IQGAP2: variants seen among roughly 807,000 people sequenced by gnomAD.
IQGAP2 encodes the protein ras GTPase-activating-like protein IQGAP2.
IQGAP2 carries 173 observed loss-of-function variants against 201.3 expected under a neutral mutation model. The observed-to-expected ratio is 0.86, with a 90% CI of 0.76 to 0.98. IQGAP2 has a LOEUF of 0.98. IQGAP2 is among the 50% of genes least tolerant of loss of function. The probability of loss-of-function intolerance (pLI) is 0.00; values close to 1 mark genes in which losing one functional copy is unlikely to be tolerated. For synonymous variants in IQGAP2, 675 were observed against 673.9 expected (o/e 1.00, Z -0.03); for missense variants, 1,687 against 1,864.8 (o/e 0.90, Z 1.76).
rs76462110 is a variant in IQGAP2, at chr5:76,540,325, A to T, written c.147-22071A>T. ...AGAAAAAGGAAACCACTGGGAGGGT[A>T]TGAGTGAAATGGCTAGCTCTTTTTG... On this transcript the variant is annotated intron_variant, in intron 2 of 35. Coordinates refer to ENST00000274364, the MANE Select transcript of IQGAP2 (RefSeq NM_006633.5). 5.6e-3 allele frequency among the ~76,000 whole-genome samples: 854 copies of T among 152,318 alleles called. 7 individuals carry two copies. The highest frequency in any genetic ancestry group is 0.019 in the African/African-American group (793 of 41,582).
intron 30 of IQGAP2, among the ~76,000 whole-genome samples, chr5:76,684,744 G>C (rs1460269924): frequency 1.3e-5 from 2 of 152,184 alleles, no homozygotes; most frequent in Admixed American, 6.5e-5. Flanking sequence ...CCTGTCCTGA[G>C]TTCTGAGGTT....
intron 13 of IQGAP2, among the ~76,000 whole-genome samples, chr5:76,621,183 C>T (rs1749630032): frequency 6.6e-6 from 1 of 152,174 alleles, no homozygotes; most frequent in African/African-American, 2.4e-5. Context: ...GTTTCTCTTC[C>T]TGCTTTAATC....
chr5:76,470,399 C>T (rs896145691), intron 2 of IQGAP2, among the ~76,000 whole-genome samples: 1 of 152,088 alleles, frequency 6.6e-6, no homozygotes, highest in Non-Finnish European at 1.5e-5. Flanking sequence ...TGGGGCACCA[C>T]CTTAGAAGCT....
intron 20 of IQGAP2, among the ~76,000 whole-genome samples, chr5:76,656,193 T>C (rs187001700): frequency 9.4e-4 from 141 of 149,488 alleles, no homozygotes; most frequent in South Asian, 3.9e-3. Context: ...TGGGGTTTTT[T>C]GTTGGTTTTT....
At chr5:76,460,883 T>TC (rs777015128) in intron 1 of IQGAP2, among the ~76,000 whole-genome samples, 18 of 119,186 alleles carry the variant, frequency 1.5e-4, no homozygotes, top group African/African-American at 3.6e-4. Flanking sequence ...TTTTTTTTTT[T>TC]CCCTGAGACT....
chr5:76,621,544 G>A (rs887596438), intron 13 of IQGAP2, among the ~76,000 whole-genome samples: 2 of 152,160 alleles, frequency 1.3e-5, no homozygotes, highest in African/African-American at 4.8e-5. Flanking sequence ...AGAGCATGCC[G>A]TACAAGTTAT....
intron 1 of IQGAP2, among the ~76,000 whole-genome samples, chr5:76,436,106 A>G (rs536399908): frequency 4.6e-5 from 7 of 152,290 alleles, no homozygotes; most frequent in African/African-American, 1.4e-4. Flanking sequence ...TTTCAAATCT[A>G]GAAGTCTTTT....
At chr5:76,428,437 CTTTTTTTT>C (rs1003388325) in intron 1 of IQGAP2, among the ~76,000 whole-genome samples, 6 of 135,706 alleles carry the variant, frequency 4.4e-5, no homozygotes, top group Non-Finnish European at 9.6e-5. Context: ...ATCCTTTTTT[CTTTTTTTT>C]TTTTTTTTTG....
intron 35 of IQGAP2, among the ~76,000 whole-genome samples, chr5:76,703,122 T>C (rs1403935923): frequency 1.0e-4 from 11 of 110,144 alleles, no homozygotes; most frequent in East Asian, 3.1e-4. Context: ...TTTTCCCTCT[T>C]TCCTAGAATG....
At chr5:76,592,557 T>G (rs915519392) in intron 8 of IQGAP2, among the ~76,000 whole-genome samples, 2 of 147,712 alleles carry the variant, frequency 1.4e-5, no homozygotes, top group African/African-American at 2.5e-5. Flanking sequence ...CAACTGTTTT[T>G]GATCTAAAAA....
intron 2 of IQGAP2, among the ~76,000 whole-genome samples, chr5:76,538,176 G>T (rs569201518): frequency 6.6e-6 from 1 of 152,212 alleles, no homozygotes; most frequent in African/African-American, 2.4e-5. Flanking sequence ...TTGTTCAGGG[G>T]AACTCCTCTT....
At chr5:76,524,773 A>G (rs1188007416) in intron 2 of IQGAP2, among the ~76,000 whole-genome samples, 1 of 152,236 alleles carries the variant, frequency 6.6e-6, no homozygotes, top group Non-Finnish European at 1.5e-5. Flanking sequence ...CTGAAAAGAA[A>G]GTTCACATCA....
In IQGAP2 at chr5:76,640,924, T is replaced by C; in HGVS notation, c.1924-9T>C. The C allele has an allele frequency of 6.4e-7, 1 of 1,566,354 alleles. No individual in the cohort carries two copies. The highest frequency in any genetic ancestry group is 8.7e-7 in the Non-Finnish European group (1 of 1,144,936). ...GTGAAGTGTAACCATAAGAAATATC[T>C]CTTGCCAGGACATTATTGAGGAAGT... is the stretch of plus-strand genomic sequence containing the variant. On this transcript the variant is annotated splice_polypyrimidine_tract_variant and intron_variant, in intron 16 of 35. Transcript: ENST00000274364.
intron 1 of IQGAP2, among the ~76,000 whole-genome samples, chr5:76,423,296 C>G (rs1751825708): frequency 1.3e-5 from 2 of 152,114 alleles, no homozygotes. Context: ...CTGGTACCTG[C>G]TATTAAAATG....
At chr5:76,441,727 T>G (rs1753051084) in intron 1 of IQGAP2, among the ~76,000 whole-genome samples, 1 of 152,186 alleles carries the variant, frequency 6.6e-6, no homozygotes, top group Non-Finnish European at 1.5e-5. Flanking sequence ...GAATCACTCT[T>G]GCATCAGGCA....
chr5:76,564,218 A>G (rs1744579027), intron 3 of IQGAP2, among the ~76,000 whole-genome samples: 1 of 152,226 alleles, frequency 6.6e-6, no homozygotes, highest in Non-Finnish European at 1.5e-5. Flanking sequence ...AGAAGCCCAG[A>G]AAAAGACCAT....
At position 76,619,163 on chromosome 5, in the gene IQGAP2, CAGT is replaced by C. The variant is rs1749337147; in HGVS notation, c.1521+7981_1521+7983del. Among the ~76,000 whole-genome samples the C allele has an allele frequency of 2.0e-5, 3 of 152,126 alleles. 1 individual carries two copies. The East Asian group carries it at 5.8e-4, about 29-fold the overall frequency. ...AAATTTTTATTGTACATTGATGTGT[CAGT>C]GGTGTAAAGTTTTAAATAAAATCCA... On this transcript the variant is annotated intron_variant, in intron 13 of 35. Coordinates refer to ENST00000274364, the MANE Select transcript of IQGAP2 (RefSeq NM_006633.5).
At chr5:76,628,191 G>GT (rs1750411290) in intron 14 of IQGAP2, among the ~76,000 whole-genome samples, 1 of 152,174 alleles carries the variant, frequency 6.6e-6, no homozygotes, top group Admixed American at 6.5e-5. Flanking sequence ...TTTTACCAGG[G>GT]TGACTGTACT....
intron 5 of IQGAP2, among the ~76,000 whole-genome samples, chr5:76,579,960 A>G (rs1014909109): frequency 6.6e-6 from 1 of 152,198 alleles, no homozygotes; most frequent in African/African-American, 2.4e-5. Context: ...TGTAGTATAA[A>G]TAGTATAAAA....
Sources: allele counts gnomAD v4.1 joint callset (sites outside exome capture counted in the v4.1 genomes callset), GRCh38; gene constraint gnomAD v4.1.1; transcripts MANE v1.5; gene names NCBI Gene and HGNC (gene_info 2026-07-23, HGNC 2026-07-21).